Variants in IL1RAPL1 observed in about 807,000 individuals in gnomAD.
IL1RAPL1 encodes interleukin-1 receptor accessory protein-like 1.
A neutral mutation model predicts 48.4 loss-of-function variants in IL1RAPL1; 3 were observed. The observed-to-expected ratio is 0.06, with a 90% CI of 0.03 to 0.16. The LOEUF is 0.16. IL1RAPL1 is among the 10% of genes least tolerant of loss of function. The probability of loss-of-function intolerance (pLI) is 1.00; values close to 1 mark genes in which losing one functional copy is unlikely to be tolerated. For missense variants in IL1RAPL1, 349 were observed against 530.6 expected (o/e 0.66, Z 3.36); for synonymous variants, 185 against 187.7 (o/e 0.99, Z 0.12).
chrX:29,309,328 G>T (rs1932672238), intron 3 of IL1RAPL1, among the ~76,000 whole-genome samples: 1 of 110,964 alleles, frequency 9.0e-6, no homozygotes, highest in African/African-American at 3.3e-5. Flanking sequence ...GGGTGATTGG[G>T]CTTATCAAAA....
intron 5 of IL1RAPL1, among the ~76,000 whole-genome samples, chrX:29,577,516 A>C (rs768646542): frequency 8.9e-6 from 1 of 111,741 alleles, no homozygotes; most frequent in African/African-American, 3.3e-5. Flanking sequence ...CCTTTCGCTC[A>C]GTACCCCAAT....
rs1329959316 is a variant in IL1RAPL1 at position 29,488,082 on chromosome X, C to G, written c.703+88774C>G. Among the ~76,000 whole-genome samples the G allele has an allele frequency of 5.3e-5, 6 of 112,180 alleles. No individual in the cohort carries two copies. The South Asian group carries it at 2.2e-3, about 42-fold the overall frequency. ...CACAATTCAACAAGGAAGGACACTA[C>G]AGATCACATAGCTCACCTCCATACA... On this transcript the variant is annotated intron_variant, in intron 5 of 10. Coordinates refer to ENST00000378993, the MANE Select transcript of IL1RAPL1 (RefSeq NM_014271.4).
chrX:29,623,496 A>C (rs750458541), intron 5 of IL1RAPL1, among the ~76,000 whole-genome samples: 1 of 111,741 alleles, frequency 8.9e-6, no homozygotes, highest in Non-Finnish European at 1.9e-5. Context: ...GTTATTTGAC[A>C]TGGTGTACAC....
At chrX:28,746,540 A>G (rs1388267668) in intron 1 of IL1RAPL1, among the ~76,000 whole-genome samples, 1 of 111,907 alleles carries the variant, frequency 8.9e-6, no homozygotes, top group Admixed American at 9.5e-5. Context: ...TGTAAAAAAG[A>G]TTATTTCAAG....
intron 2 of IL1RAPL1, among the ~76,000 whole-genome samples, chrX:29,062,954 T>G (rs1927373641): frequency 8.9e-6 from 1 of 112,013 alleles, no homozygotes; most frequent in African/African-American, 3.2e-5. Flanking sequence ...AAAATTTCTA[T>G]AGGCAACTTC....
intron 2 of IL1RAPL1, among the ~76,000 whole-genome samples, chrX:29,186,481 A>G (rs187200602): frequency 2.7e-5 from 3 of 111,583 alleles, no homozygotes; most frequent in African/African-American, 9.7e-5. Context: ...GATTTAAAAG[A>G]CTTTTATTTG....
intron 1 of IL1RAPL1, among the ~76,000 whole-genome samples, chrX:28,708,908 G>A (rs928808206): frequency 6.3e-5 from 7 of 111,131 alleles, no homozygotes; most frequent in Admixed American, 4.8e-4. Flanking sequence ...GTGAATATAC[G>A]TCACAAAAAT....
intron 6 of IL1RAPL1, among the ~76,000 whole-genome samples, chrX:29,764,690 T>C (rs1394720922): frequency 2.7e-5 from 3 of 112,305 alleles, no homozygotes; most frequent in Non-Finnish European, 5.6e-5. Context: ...AAGTCACATG[T>C]TGTATTCCAT....
chrX:28,750,570 C>T (rs1413107145), intron 1 of IL1RAPL1, among the ~76,000 whole-genome samples: 2 of 111,382 alleles, frequency 1.8e-5, no homozygotes, highest in Non-Finnish European at 3.8e-5. Context: ...GGAGTATTAG[C>T]TTTCATCATA....
intron 6 of IL1RAPL1, among the ~76,000 whole-genome samples, chrX:29,886,031 G>A (rs1932156503): frequency 9.0e-6 from 1 of 111,668 alleles, no homozygotes; most frequent in East Asian, 2.8e-4. Context: ...CTATATTACA[G>A]AAGTAATATT....
chrX:29,795,550 A>G (rs1054753784), intron 6 of IL1RAPL1, among the ~76,000 whole-genome samples: 4 of 111,750 alleles, frequency 3.6e-5, no homozygotes, highest in Non-Finnish European at 7.5e-5. Context: ...AACTGAGACT[A>G]CAGGCACGTG....
chrX:29,391,174 C>CAA (rs764215826), intron 3 of IL1RAPL1, among the ~76,000 whole-genome samples: 5 of 90,149 alleles, frequency 5.5e-5, no homozygotes, highest in Admixed American at 1.2e-4. Context: ...AATTCCATCT[C>CAA]AAAAAAAAAA....
At chrX:29,066,067 C>T (rs1927445392) in intron 2 of IL1RAPL1, among the ~76,000 whole-genome samples, 2 of 111,303 alleles carry the variant, frequency 1.8e-5, no homozygotes, top group South Asian at 7.6e-4. Flanking sequence ...GTTTGTTTCC[C>T]GTATATGGGG....
At chrX:29,646,711 GA>G (rs374029622) in intron 5 of IL1RAPL1, among the ~76,000 whole-genome samples, 153 of 99,117 alleles carry the variant, frequency 1.5e-3, no homozygotes, top group Middle Eastern at 5.3e-3. Context: ...TACACAGCAA[GA>G]AAAAAAAAAA....
chrX:29,142,659 G>A (rs1929267206), intron 2 of IL1RAPL1, among the ~76,000 whole-genome samples: 1 of 110,419 alleles, frequency 9.1e-6, no homozygotes, highest in South Asian at 3.7e-4. Flanking sequence ...ATTCTTGCAT[G>A]TTTTCTGTAA....
At chrX:29,112,798 T>G (rs1167252112) in intron 2 of IL1RAPL1, among the ~76,000 whole-genome samples, 1 of 101,167 alleles carries the variant, frequency 9.9e-6, no homozygotes, top group Non-Finnish European at 2.0e-5. Context: ...CTTTGGTTTT[T>G]TTTTTTTTTT....
At chrX:29,936,792 A>G (rs1218254592) in intron 8 of IL1RAPL1, among the ~76,000 whole-genome samples, 1 of 111,804 alleles carries the variant, frequency 8.9e-6, no homozygotes, top group African/African-American at 3.2e-5. Context: ...ATGTAATTCA[A>G]TATACTAAGA....
At chrX:29,802,030 A>G (rs1340857243) in intron 6 of IL1RAPL1, among the ~76,000 whole-genome samples, 1 of 112,328 alleles carries the variant, frequency 8.9e-6, no homozygotes, top group African/African-American at 3.2e-5. Context: ...AATATTCACG[A>G]GTAATATTTG....
At chrX:29,925,859 C>G (rs998698956) in intron 8 of IL1RAPL1, among the ~76,000 whole-genome samples, 1 of 112,223 alleles carries the variant, frequency 8.9e-6, no homozygotes, top group African/African-American at 3.2e-5. Context: ...CTTCTTGATA[C>G]GGATATTCCA....
Sources: allele counts gnomAD v4.1 joint callset (sites outside exome capture counted in the v4.1 genomes callset), GRCh38; gene constraint gnomAD v4.1.1; transcripts MANE v1.5; gene names NCBI Gene and HGNC (gene_info 2026-07-23, HGNC 2026-07-21).